The following CCND1 variants were observed in gnomAD, a reference collection of about 807,000 sequenced individuals.
The protein encoded by CCND1 is G1/S-specific cyclin-D1.
Under a neutral mutation model 26.1 loss-of-function variants are expected in CCND1, and 9 were observed. The observed-to-expected ratio is 0.35, with a 90% CI of 0.21 to 0.60. The LOEUF (loss-of-function observed/expected upper bound fraction) is 0.60. CCND1 is among the 20% of genes least tolerant of loss of function. CCND1 has a pLI of 0.79. For synonymous variants in CCND1, 194 were observed against 166.1 expected, an observed-to-expected ratio of 1.17 and a Z score of -1.29; for missense variants, 335 against 392.9, an observed-to-expected ratio of 0.85 and a Z score of 1.25.
rs2120080130 is a variant in CCND1 at position 69,641,371 on chromosome 11, G to A, written c.58G>A (p.Ala20Thr). The change falls in exon 1 of 5, where the codon GCC (alanine) becomes ACC (threonine). Residue 20 changes from alanine (A) to threonine (T), a missense_variant. Transcript: ENST00000227507. ...AACCATCCGCCGCGCGTACCCCGAT[G>A]CCAACCTCCTCAACGACCGGGTGCT... ...VETIRRAYPDANLLNDRVLRA... is the reference protein window; with the variant it reads ...VETIRRAYPDTNLLNDRVLRA... 6.2e-7 allele frequency: 1 copy of A among 1,613,342 alleles called. No homozygotes were observed. Among genetic ancestry groups the A allele is most frequent in the South Asian group, 1.1e-5 (1 of 91,078 alleles).
rs2120129360 is a variant in CCND1, at chr11:69,653,856, AG to A, written c.*2575del. On this transcript the variant is annotated 3_prime_UTR_variant, in exon 5 of 5. Coordinates refer to ENST00000227507, the MANE Select transcript of CCND1 (RefSeq NM_053056.3). ...GACTCTCATTCGGGATGATTGGAAT[AG>A]CTTCTGGAATTTGTTCAAGTTTTGG... is the stretch of plus-strand genomic sequence containing the variant. 1 of 368,744 alleles carries A rather than the reference AG, an allele frequency of 2.7e-6. No homozygotes were observed. The highest frequency in any genetic ancestry group is 2.0e-5 in the African/African-American group (1 of 50,118). 22.8% of individuals were successfully genotyped at this position (368,744 alleles called of 1,614,324 possible).
intron 3 of CCND1, chr11:69,644,287 G>A (rs1307275018): frequency 3.6e-5 from 16 of 447,918 alleles, no homozygotes; most frequent in Admixed American, 3.5e-4. Context: ...CAGGCAGCCT[G>A]TGGCCACTCC....
intron 2 of CCND1, 39 bp downstream of exon 2, chr11:69,643,285 C>T (rs939398424): frequency 3.4e-6 from 5 of 1,491,268 alleles, no homozygotes; most frequent in Admixed American, 2.0e-5. Context: ...CCCCCGCGAG[C>T]CGCACGCAGG....
intron 1 of CCND1, among the ~76,000 whole-genome samples, chr11:69,642,637 G>C (rs555250000): frequency 1.3e-5 from 2 of 152,224 alleles, no homozygotes; most frequent in African/African-American, 4.8e-5. Context: ...CCACCTTTGT[G>C]TCTCGCAGGC....
At chr11:69,644,064 C>T (rs2120096057) in intron 3 of CCND1, 73 bp downstream of exon 3, 1 of 1,468,368 alleles carries the variant, frequency 6.8e-7, no homozygotes, top group Non-Finnish European at 9.5e-7. Context: ...CGGCTTCTTG[C>T]TCTCCACCTG....
At chr11:69,644,446 C>G (rs1590913907) in intron 3 of CCND1, among the ~76,000 whole-genome samples, 1 of 152,298 alleles carries the variant, frequency 6.6e-6, no homozygotes, top group Non-Finnish European at 1.5e-5. Context: ...CCTCCAGGGG[C>G]GGGGAGAGCT....
chr11:69,649,974 A>G (rs542237883), intron 4 of CCND1, among the ~76,000 whole-genome samples: 3 of 152,126 alleles, frequency 2.0e-5, no homozygotes, highest in Non-Finnish European at 2.9e-5. Flanking sequence ...AATTTATCTG[A>G]GGGGCGGGAG....
intron 3 of CCND1, among the ~76,000 whole-genome samples, chr11:69,645,514 C>T (rs1215962744): frequency 1.3e-5 from 2 of 152,202 alleles, no homozygotes; most frequent in Admixed American, 1.3e-4. Context: ...CAGCTGTGCA[C>T]GTGCTCTCAG....
chr11:69,643,271 C>T (rs1278821267), intron 2 of CCND1, 25 bp downstream of exon 2: 20 of 1,525,358 alleles, frequency 1.3e-5, no homozygotes, highest in East Asian at 7.4e-5. Context: ...CCGCCGCCCC[C>T]CGCCCCCCGC....
In CCND1 at chr11:69,654,197, G is replaced by A; in HGVS notation, c.*2915G>A. 1.4e-6 allele frequency: 1 copy of A among 702,426 alleles called. No individual in the cohort carries two copies. The highest frequency in any genetic ancestry group is 2.7e-5 in the East Asian group (1 of 37,204). The allele number at this position is 702,426 out of a possible 1,614,324, so 43.5% of individuals were successfully genotyped here. A position where few individuals can be genotyped will look rare whatever the true frequency, so the allele number is the denominator to read the frequency against. ...CTGCGGCGTCTGTCTGAACCACGCGGGGGCCTTGAGGGACGCTTTGTCTGT... is the reference window on the plus strand; with the variant it reads ...CTGCGGCGTCTGTCTGAACCACGCGAGGGCCTTGAGGGACGCTTTGTCTGT... On this transcript the variant is annotated 3_prime_UTR_variant, in exon 5 of 5. Coordinates refer to ENST00000227507, the MANE Select transcript of CCND1 (RefSeq NM_053056.3). The surrounding 1 kb of genome is among the most constrained non-coding windows in gnomAD (Gnocchi z 6.3).
intron 4 of CCND1, 60 bp downstream of exon 4, chr11:69,648,202 G>A: frequency 6.3e-7 from 1 of 1,597,020 alleles, no homozygotes; most frequent in Non-Finnish European, 8.6e-7. Flanking sequence ...GACACCTAGT[G>A]CCACGGAAAT....
chr11:69,646,684 G>A (rs1032219228), intron 3 of CCND1, among the ~76,000 whole-genome samples: 2 of 152,086 alleles, frequency 1.3e-5, no homozygotes, highest in African/African-American at 4.8e-5. Context: ...CCCAGGCTCC[G>A]CTGGGGTGGG....
chr11:69,649,691 G>A (rs896645280), intron 4 of CCND1, among the ~76,000 whole-genome samples: 5 of 152,200 alleles, frequency 3.3e-5, no homozygotes, highest in Admixed American at 1.3e-4. Context: ...TAGCCTTGCA[G>A]GCAGCTGTGG....
In CCND1 at chr11:69,651,841, T is replaced by G. The variant is rs1855860072; in HGVS notation, c.*559T>G. ...AGTGGGGTTCTAGGCATCTCTGTAC[T>G]TTGCTTGCTCATATGCATGTAGTCA... On this transcript the variant is annotated 3_prime_UTR_variant, in exon 5 of 5. Transcript: ENST00000227507. 1 of 233,342 alleles carries G rather than the reference T, an allele frequency of 4.3e-6. No individual in the cohort carries two copies. The highest frequency in any genetic ancestry group is 8.5e-6 in the Non-Finnish European group (1 of 118,072). The allele number at this position is 233,342 out of a possible 1,614,324, so 14.5% of individuals were successfully genotyped here.
chr11:69,642,752 G>A (rs1186839523), intron 1 of CCND1, among the ~76,000 whole-genome samples: 2 of 151,826 alleles, frequency 1.3e-5, no homozygotes, highest in Admixed American at 6.6e-5. Context: ...GGTCCCGGGG[G>A]CCGGCAGCCC....
Position 69,643,985 on chromosome 11 carries a change from G to T in CCND1, c.568G>T (p.Ala190Ser), listed in dbSNP as rs534553548. Residue 190 changes from alanine (A) to serine (S), a missense_variant, in exon 3 of 5, where the codon GCC becomes TCC. Physicochemically the swap from Ala to Ser is moderately conservative, Grantham distance 99. Transcript: ENST00000227507. ...CGCGCAGACCTTCGTTGCCCTCTGT[G>T]CCACAGGTAGGGCAGGCCCGGCAGC... Reference protein sequence around the residue: ...KHAQTFVALCATDVKFISNPP... With the variant: ...KHAQTFVALCSTDVKFISNPP... 1.9e-6 allele frequency: 3 copies of T among 1,613,286 alleles called. No individual in the cohort carries two copies. In the Admixed American group the frequency reaches 5.0e-5, roughly 27 times the overall value.
chr11:69,652,815 C>G lies in CCND1; in HGVS notation c.*1533C>G, dbSNP rs1855871017. ...ACACACACACACACAAACCTTCTGC[C>G]TTTGATGTTACAGATTTAATACAGT... On this transcript the variant is annotated 3_prime_UTR_variant, in exon 5 of 5. Coordinates refer to ENST00000227507, the MANE Select transcript of CCND1 (RefSeq NM_053056.3). The G allele has an allele frequency of 4.2e-6, 1 of 240,622 alleles. No homozygotes were observed. The highest frequency in any genetic ancestry group is 6.0e-5 in the East Asian group (1 of 16,760). The allele number at this position is 240,622 out of a possible 1,614,324, so 14.9% of individuals were successfully genotyped here.
At position 69,652,309 on chromosome 11, in the gene CCND1, A is replaced by C; in HGVS notation, c.*1027A>C. The C allele has an allele frequency of 4.3e-6, 1 of 233,592 alleles. No homozygotes were observed. The highest frequency in any genetic ancestry group is 6.0e-5 in the East Asian group (1 of 16,590). The allele number at this position is 233,592 out of a possible 1,614,324, so 14.5% of individuals were successfully genotyped here. A position where few individuals can be genotyped will look rare whatever the true frequency, so the allele number is the denominator to read the frequency against. On this transcript the variant is annotated 3_prime_UTR_variant, in exon 5 of 5. Transcript: ENST00000227507. Reference sequence around the variant, plus strand: ...TTCCATTTCCAAGCACTTTCAGTCCAATAGGTGTAGGAAATAGCGCTGTTT... The same window carrying C: ...TTCCATTTCCAAGCACTTTCAGTCCCATAGGTGTAGGAAATAGCGCTGTTT...
Position 69,643,099 on chromosome 11 carries a change from G to A in CCND1, c.267G>A (p.Leu89=), listed in dbSNP as rs762608280. ...PLAMNYLDRF[L]SLEPVKKSRL... Reference sequence around the variant, plus strand: ...CCATGAACTACCTGGACCGCTTCCTGTCGCTGGAGCCCGTGAAAAAGAGCC... The same window carrying A: ...CCATGAACTACCTGGACCGCTTCCTATCGCTGGAGCCCGTGAAAAAGAGCC... Residue 89 remains leucine, a synonymous_variant, in exon 2 of 5, where the codon CTG becomes CTA. Transcript: ENST00000227507. 6.2e-7 allele frequency: 1 copy of A among 1,611,254 alleles called. No individual in the cohort carries two copies. The highest frequency in any genetic ancestry group is 1.3e-5 in the African/African-American group (1 of 74,804).
Sources: allele counts gnomAD v4.1 joint callset (sites outside exome capture counted in the v4.1 genomes callset), GRCh38; gene constraint gnomAD v4.1.1; non-coding constraint Gnocchi (gnomAD v3.1); transcripts MANE v1.5; gene names NCBI Gene and HGNC (gene_info 2026-07-23, HGNC 2026-07-21).